The following INTS10 variants were observed in gnomAD, a reference collection of about 807,000 sequenced individuals.
The protein encoded by INTS10 is integrator complex subunit 10.
Under a neutral mutation model 94.4 loss-of-function variants are expected in INTS10, and 44 were observed. The ratio of observed to expected loss-of-function variants is 0.47; its 90% CI spans 0.37 to 0.60. INTS10 has a LOEUF of 0.60. Ranked by LOEUF, INTS10 falls within the 20% of genes least tolerant of loss-of-function variation. INTS10 has a pLI of 0.00. For synonymous variants in INTS10, 341 were observed against 320.7 expected (o/e 1.06, Z -0.68); for missense variants, 797 against 868.7 (o/e 0.92, Z 1.04).
intron 15 of INTS10, 77 bp downstream of exon 15, chr8:19,844,315 C>T: frequency 9.4e-7 from 1 of 1,065,432 alleles, no homozygotes; most frequent in Non-Finnish European, 1.4e-6. Context: ...AAGAATGAAC[C>T]ATTCTGGATA....
At position 19,819,553 on chromosome 8, in the gene INTS10, T is replaced by C. The variant is rs2066204494; in HGVS notation, c.198-20T>C. ...TATAGACTTTGACATTTTAATTTAA[T>C]GTATTTATTTTAAAAATAGGTTTGT... On this transcript the variant is annotated intron_variant, in intron 2 of 16. Coordinates refer to ENST00000397977, the MANE Select transcript of INTS10 (RefSeq NM_018142.4). 2 of 1,553,932 alleles carry C rather than the reference T, an allele frequency of 1.3e-6. No homozygotes were observed. Among genetic ancestry groups the C allele is most frequent in the South Asian group, 1.1e-5 (1 of 87,148 alleles).
At chr8:19,828,250 AT>A (rs2066955929) in intron 9 of INTS10, among the ~76,000 whole-genome samples, 1 of 152,234 alleles carries the variant, frequency 6.6e-6, no homozygotes, top group Non-Finnish European at 1.5e-5. Flanking sequence ...AGCATTTCTC[AT>A]AACAATCCAG....
At chr8:19,818,843 C>T (rs1338235521) in intron 2 of INTS10, 1 of 153,388 alleles carries the variant, frequency 6.5e-6, no homozygotes, top group Non-Finnish European at 1.5e-5. Context: ...CACTTCATTC[C>T]TTTTCATGCC....
chr8:19,823,946 G>C lies in INTS10; in HGVS notation c.738G>C (p.Thr246=). ...AGAAGTACATAATAGAAGGGCTGACGGAAAAATCATCCCAGATCGTGGACC... is the reference window on the plus strand; with the variant it reads ...AGAAGTACATAATAGAAGGGCTGACCGAAAAATCATCCCAGATCGTGGACC... ...SSQKYIIEGL[T]EKSSQIVDPW... is the part of the protein sequence containing the mutation. Residue 246 remains threonine (T), a synonymous_variant, in exon 7 of 17, where the codon ACG becomes ACC. Coordinates refer to ENST00000397977, the MANE Select transcript of INTS10 (RefSeq NM_018142.4). 1 of 1,613,534 alleles carries C rather than the reference G, an allele frequency of 6.2e-7. No individual in the cohort carries two copies. The highest frequency in any genetic ancestry group is 8.5e-7 in the Non-Finnish European group (1 of 1,179,634).
intron 16 of INTS10, 37 bp downstream of exon 16, chr8:19,845,834 C>T (rs774318465): frequency 1.4e-6 from 2 of 1,402,112 alleles, no homozygotes; most frequent in Non-Finnish European, 2.0e-6. Flanking sequence ...ATGCTGAGTG[C>T]TCACCTTTTG....
In INTS10 at chr8:19,844,157, G is replaced by A. The variant is rs931603457; in HGVS notation, c.1801G>A (p.Glu601Lys). Reference sequence around the variant, plus strand: ...GCTTCAGCAAGAGTGGCCACGGGGCGAGAATCTTTTCCTGAAAGCTGTCAA... The same window carrying A: ...GCTTCAGCAAGAGTGGCCACGGGGCAAGAATCTTTTCCTGAAAGCTGTCAA... The part of the protein sequence containing the change: ...VLLQQEWPRG[E>K]NLFLKAVNKI... Residue 601 changes from glutamate (E) to lysine (K), a missense_variant, in exon 15 of 17, where the codon GAG becomes AAG. Physicochemically the swap from Glu to Lys is moderately conservative, Grantham distance 56 (BLOSUM62 1). This residue lies in a region of INTS10 where 734 missense variants were observed against 787.8 expected (regional missense o/e 0.93). Transcript: ENST00000397977. 1.9e-6 allele frequency: 3 copies of A among 1,613,742 alleles called. No homozygotes were observed. The highest frequency in any genetic ancestry group is 1.1e-5 in the South Asian group (1 of 91,086).
chr8:19,819,491 T>C (rs113649059), intron 2 of INTS10, 82 bp from the exon 3 acceptor site: 6 of 1,084,336 alleles, frequency 5.5e-6, no homozygotes, highest in African/African-American at 4.8e-5. Context: ...AAGGAAACTT[T>C]TTCACCAAAT....
Position 19,826,524 on chromosome 8 carries a change from AAG to A in INTS10, c.1108_1109del (p.Arg370GlufsTer4). Reference sequence around the variant, plus strand: ...TGATCGTAATAAACACATCCATAAAAAGAGGAAACTAGCTGAAGGAAGAGAAA... The same window carrying A: ...TGATCGTAATAAACACATCCATAAAAAGGAAACTAGCTGAAGGAAGAGAAA... The part of the protein sequence containing the change: ...EIDRNKHIHK[K>X]RKLAEGREKT... On this transcript the variant is annotated frameshift_variant, in exon 9 of 17. Coordinates refer to ENST00000397977, the MANE Select transcript of INTS10 (RefSeq NM_018142.4). LOFTEE classifies it high-confidence loss of function. The A allele has an allele frequency of 6.2e-7, 1 of 1,612,914 alleles. No homozygotes were observed. Among genetic ancestry groups the A allele is most frequent in the Non-Finnish European group, 8.5e-7 (1 of 1,179,674 alleles).
At position 19,817,651 on chromosome 8, in the gene INTS10, A is replaced by G. The variant is rs375410459; in HGVS notation, c.114A>G (p.Ala38=). 1.2e-5 allele frequency: 19 copies of G among 1,607,142 alleles called. No homozygotes were observed. The highest frequency in any genetic ancestry group is 1.2e-4 in the Admixed American group (7 of 59,358). The change falls in exon 1 of 17, where the codon GCA becomes GCG. Residue 38 remains alanine (A), a synonymous_variant. Transcript: ENST00000397977. ...WLITARSLYP[A]DFNIQYEMYT... ...TCACGGCCCGCAGCCTCTACCCGGC[A>G]GACTTTAACATCCAGGTGAGGTCCC... is the stretch of plus-strand genomic sequence containing the variant.
At position 19,842,889 on chromosome 8, in the gene INTS10, A is replaced by T; in HGVS notation, c.1681A>T (p.Met561Leu). ...KLLPCTSKAI[M>L]PYCLHLMLAC... ...CCTGCCTTGTACCAGCAAGGCTATC[A>T]TGCCATACTGCCTCCATTTAATGTT... Residue 561 changes from methionine to leucine, a missense_variant, in exon 14 of 17, where the codon ATG becomes TTG. Physicochemically the swap from Met to Leu is conservative, Grantham distance 15. Coordinates refer to ENST00000397977, the MANE Select transcript of INTS10 (RefSeq NM_018142.4). 6.2e-7 allele frequency: 1 copy of T among 1,613,254 alleles called. No homozygotes were observed. The highest frequency in any genetic ancestry group is 1.1e-5 in the South Asian group (1 of 91,060).
chr8:19,845,401 C>T, intron 15 of INTS10: 1 of 286,110 alleles, frequency 3.5e-6, no homozygotes, highest in Non-Finnish European at 6.7e-6. Flanking sequence ...AACATGTTGT[C>T]CTCATGCTCT....
intron 4 of INTS10, chr8:19,822,196 A>G (rs932611790): frequency 3.5e-5 from 10 of 289,458 alleles, no homozygotes; most frequent in Non-Finnish European, 5.8e-5. Flanking sequence ...CGTTAATTAG[A>G]ATTTGCTAAT....
At position 19,831,853 on chromosome 8, in the gene INTS10, GTGTTGTA is replaced by G. The variant is rs543210920; in HGVS notation, c.1295-170_1295-164del. ...AATATTGCTTGTGTATTACTGATAA[GTGTTGTA>G]TGTTTCTTCTCTACTTGAAATTCTA... On this transcript the variant is annotated intron_variant, in intron 10 of 16. Transcript: ENST00000397977. Among the ~76,000 whole-genome samples, 162 of 152,322 alleles carry G rather than the reference GTGTTGTA, an allele frequency of 1.1e-3. No homozygotes were observed. In the Middle Eastern group the frequency reaches 0.014, roughly 13 times the overall value.
At chr8:19,822,669 T>C (rs1240932100) in intron 5 of INTS10, 149 bp downstream of exon 5, 2 of 535,710 alleles carry the variant, frequency 3.7e-6, no homozygotes, top group Admixed American at 3.3e-5. Context: ...AGAAGCATTT[T>C]AGCTGGGTGC....
chr8:19,818,651 A>T, intron 2 of INTS10: 1 of 369,698 alleles, frequency 2.7e-6, no homozygotes, highest in Non-Finnish European at 5.1e-6. Context: ...GTGAAAGTGC[A>T]TCCTAAACTG....
chr8:19,836,340 A>G (rs958653438), intron 12 of INTS10, among the ~76,000 whole-genome samples: 1 of 152,140 alleles, frequency 6.6e-6, no homozygotes, highest in African/African-American at 2.4e-5. Context: ...ATTTGAGTAG[A>G]TAGAGAGGGA....
In INTS10 at chr8:19,849,986, G is replaced by GTTTA. The variant is rs1361644596; in HGVS notation, c.1977-1663_1977-1662insTTTA. Among the ~76,000 whole-genome samples, 2 of 152,042 alleles carry GTTTA rather than the reference G, an allele frequency of 1.3e-5. No homozygotes were observed. Among genetic ancestry groups the GTTTA allele is most frequent in the Non-Finnish European group, 2.9e-5 (2 of 68,004 alleles). On this transcript the variant is annotated intron_variant, in intron 16 of 16. Coordinates refer to ENST00000397977, the MANE Select transcript of INTS10 (RefSeq NM_018142.4). The surrounding 1 kb of genome is among the most constrained non-coding windows in gnomAD (Gnocchi z 4.6). ...AAAGCAGGGTTTATTAGCCAGGCCT[G>GTTTA]GTGGCATATGCCTGTAATCCCAGCT...
chr8:19,845,741 T>C lies in INTS10; in HGVS notation c.1920T>C (p.Thr640=). Reference sequence around the variant, plus strand: ...TGGAGGAATTTGCCTACTTGAGAACTCAGGAAGGTGGGAAAATTCATCTGG... The same window carrying C: ...TGGAGGAATTTGCCTACTTGAGAACCCAGGAAGGTGGGAAAATTCATCTGG... ...DMLEEFAYLR[T]QEGGKIHLEL... is the part of the protein sequence containing the mutation. The change falls in exon 16 of 17, where the codon ACT becomes ACC. Residue 640 remains threonine, a synonymous_variant. Coordinates refer to ENST00000397977, the MANE Select transcript of INTS10 (RefSeq NM_018142.4). 1.9e-6 allele frequency: 3 copies of C among 1,613,994 alleles called. No individual in the cohort carries two copies. The highest frequency in any genetic ancestry group is 2.5e-6 in the Non-Finnish European group (3 of 1,179,850).
At chr8:19,839,588 A>G (rs7824064) in intron 13 of INTS10, among the ~76,000 whole-genome samples, 140,831 of 152,012 alleles carry the variant, frequency 0.93, 65,328 homozygotes, top group African/African-American at 0.97. Context: ...AGTTCCAGCT[A>G]TCTAGAGGCT....
Sources: gnomAD v4.1 joint callset for allele counts (sites outside exome capture counted in the v4.1 genomes callset) on GRCh38, gnomAD v4.1.1 for gene constraint, gnomAD v4.1.1 regional missense constraint, Gnocchi (gnomAD v3.1) non-coding constraint, MANE v1.5 for transcripts, NCBI Gene and HGNC (gene_info 2026-07-23, HGNC 2026-07-21) for gene names.